The following CACNA2D3 variants were observed in gnomAD, a reference collection of about 807,000 sequenced individuals.
CACNA2D3 encodes calcium voltage-gated channel auxiliary subunit alpha2delta 3.
CACNA2D3 carries 60 observed loss-of-function variants against 160.6 expected under a neutral mutation model. That is an observed-to-expected ratio of 0.37 (90% CI 0.30 to 0.46). CACNA2D3 has a LOEUF of 0.46. Ranked by LOEUF, CACNA2D3 falls within the 20% of genes least tolerant of loss-of-function variation. The pLI, the probability that CACNA2D3 is intolerant of heterozygous loss-of-function variation, is 1.00. For missense variants in CACNA2D3, 1,205 were observed against 1,365.0 expected, an observed-to-expected ratio of 0.88 and a Z score of 1.85; for synonymous variants, 558 against 492.9, an observed-to-expected ratio of 1.13 and a Z score of -1.75.
At chr3:54,467,559 T>G (rs1019632043) in intron 4 of CACNA2D3, among the ~76,000 whole-genome samples, 13 of 152,220 alleles carry the variant, frequency 8.5e-5, no homozygotes, top group Non-Finnish European at 1.5e-4. Flanking sequence ...AAAATGGAGA[T>G]AATATCTGTC....
intron 2 of CACNA2D3, among the ~76,000 whole-genome samples, chr3:54,198,339 A>G (rs575789254): frequency 1.3e-5 from 2 of 152,290 alleles, no homozygotes; most frequent in African/African-American, 2.4e-5. Flanking sequence ...AGTTTCATGT[A>G]TCTTGAACCT....
intron 3 of CACNA2D3, among the ~76,000 whole-genome samples, chr3:54,355,547 TG>T (rs1225188466): frequency 1.3e-5 from 2 of 152,044 alleles, no homozygotes; most frequent in African/African-American, 2.4e-5. Context: ...GTGTTGGCCA[TG>T]GGGGAGCATG....
At chr3:54,866,749 G>A (rs1699409460) in intron 17 of CACNA2D3, among the ~76,000 whole-genome samples, 1 of 152,132 alleles carries the variant, frequency 6.6e-6, no homozygotes, top group African/African-American at 2.4e-5. Context: ...TAACGCAAAG[G>A]GGTGCTGGTA....
At chr3:54,915,467 G>C (rs192134952) in intron 27 of CACNA2D3, among the ~76,000 whole-genome samples, 4 of 152,188 alleles carry the variant, frequency 2.6e-5, no homozygotes, top group African/African-American at 7.2e-5. Flanking sequence ...CCTCAGCAAG[G>C]CTTCTATGAC....
At chr3:54,636,007 T>C (rs1299182338) in intron 10 of CACNA2D3, among the ~76,000 whole-genome samples, 1 of 151,922 alleles carries the variant, frequency 6.6e-6, no homozygotes, top group Non-Finnish European at 1.5e-5. Flanking sequence ...AATTTGCCAG[T>C]CCTGGGTGGG....
At chr3:54,989,099 A>G (rs553549050) in intron 31 of CACNA2D3, among the ~76,000 whole-genome samples, 4 of 152,202 alleles carry the variant, frequency 2.6e-5, no homozygotes, top group South Asian at 2.1e-4. Context: ...GACTTTTCCT[A>G]TCTTTATGTG....
At chr3:54,208,746 CT>C (rs35630668) in intron 2 of CACNA2D3, among the ~76,000 whole-genome samples, 1 of 149,926 alleles carries the variant, frequency 6.7e-6, no homozygotes, top group African/African-American at 2.5e-5. Context: ...ATTAAAAAAC[CT>C]TTTTTTTTTC....
intron 11 of CACNA2D3, among the ~76,000 whole-genome samples, chr3:54,713,620 G>T (rs532176994): frequency 3.9e-5 from 6 of 152,120 alleles, no homozygotes; most frequent in African/African-American, 9.7e-5. Context: ...AGTTTCTACC[G>T]CAGGATGAGA....
intron 5 of CACNA2D3, among the ~76,000 whole-genome samples, chr3:54,561,099 C>G (rs1227038355): frequency 1.3e-5 from 2 of 152,148 alleles, no homozygotes; most frequent in Non-Finnish European, 2.9e-5. Flanking sequence ...AATAGTTTTT[C>G]TAGTTCTGTG....
intron 9 of CACNA2D3, among the ~76,000 whole-genome samples, chr3:54,605,029 C>G (rs1703139863): frequency 6.6e-6 from 1 of 152,128 alleles, no homozygotes; most frequent in Non-Finnish European, 1.5e-5. Context: ...GTAGAGGAAT[C>G]TTTTTTGGCC....
chr3:54,297,757 A>C (rs55817503), intron 2 of CACNA2D3, among the ~76,000 whole-genome samples: 38,488 of 150,548 alleles, frequency 0.26, 5,050 homozygotes, highest in South Asian at 0.34. Context: ...CACCACTAAG[A>C]AGCTTTCCTG....
At position 54,477,812 on chromosome 3, in the gene CACNA2D3, T is replaced by C. The variant is rs1311218835; in HGVS notation, c.382-25680T>C. On this transcript the variant is annotated intron_variant, in intron 4 of 37. Transcript: ENST00000474759. ...CCTCTCTGAGGTTAAAACTCCTTGG[T>C]GGATCCTCAGTCCATGGCTGGAGCA... Among the ~76,000 whole-genome samples, 3 of 152,158 alleles carry C rather than the reference T, an allele frequency of 2.0e-5. No homozygotes were observed. In the East Asian group the frequency reaches 5.8e-4, roughly 29 times the overall value.
intron 26 of CACNA2D3, among the ~76,000 whole-genome samples, chr3:54,899,191 G>T (rs1334087005): frequency 6.6e-6 from 1 of 152,200 alleles, no homozygotes; most frequent in African/African-American, 2.4e-5. Flanking sequence ...TGGAACCATT[G>T]CTGGTAATTG....
At chr3:54,491,161 G>T (rs955071730) in intron 4 of CACNA2D3, among the ~76,000 whole-genome samples, 16 of 152,080 alleles carry the variant, frequency 1.1e-4, no homozygotes, top group South Asian at 2.1e-4. Flanking sequence ...AGATCTTTCC[G>T]CCAGGCTGGA....
At chr3:54,382,105 G>A (rs940928315) in intron 3 of CACNA2D3, among the ~76,000 whole-genome samples, 7 of 152,128 alleles carry the variant, frequency 4.6e-5, no homozygotes, top group African/African-American at 9.7e-5. Flanking sequence ...TTTGTTTCCA[G>A]TGTTCACGTT....
intron 4 of CACNA2D3, among the ~76,000 whole-genome samples, chr3:54,444,631 A>C (rs1188113078): frequency 6.6e-6 from 1 of 152,224 alleles, no homozygotes; most frequent in Admixed American, 6.5e-5. Context: ...CATTAGGGCC[A>C]TATCATGTCA....
chr3:54,351,457 C>A lies in CACNA2D3; in HGVS notation c.321+30899C>A, dbSNP rs79707148. On this transcript the variant is annotated intron_variant, in intron 3 of 37. Coordinates refer to ENST00000474759, the MANE Select transcript of CACNA2D3 (RefSeq NM_018398.3). ...TTCAAACTAATAAAGTGTTTGTGTT[C>A]TCTGCTCAAAGCCCTTCATCTAACT... 6.6e-3 allele frequency among the ~76,000 whole-genome samples: 1,008 copies of A among 152,218 alleles called. 6 individuals carry two copies. Among genetic ancestry groups the A allele is most frequent in the African/African-American group, 0.023 (944 of 41,536 alleles).
chr3:54,168,464 G>A (rs910640486), intron 2 of CACNA2D3, among the ~76,000 whole-genome samples: 3 of 152,180 alleles, frequency 2.0e-5, no homozygotes, highest in Non-Finnish European at 4.4e-5. Flanking sequence ...ATTTTAGGGT[G>A]GGAGTTGTTT....
chr3:54,286,326 T>A (rs1172217794), intron 2 of CACNA2D3, among the ~76,000 whole-genome samples: 1 of 152,070 alleles, frequency 6.6e-6, no homozygotes, highest in East Asian at 1.9e-4. Flanking sequence ...AGAAAGGGTA[T>A]CAGCAATGGA....
Sources: allele counts gnomAD v4.1 joint callset (sites outside exome capture counted in the v4.1 genomes callset), GRCh38; gene constraint gnomAD v4.1.1; transcripts MANE v1.5; gene names NCBI Gene and HGNC (gene_info 2026-07-23, HGNC 2026-07-21).